Variants in ZFPM2 observed in about 807,000 individuals in gnomAD.
ZFPM2 encodes the protein zinc finger protein, FOG family member 2, also known as zinc finger protein ZFPM2.
ZFPM2 carries 20 observed loss-of-function variants against 98.6 expected under a neutral mutation model. That is an observed-to-expected ratio of 0.20 (90% CI 0.14 to 0.29). ZFPM2 has a LOEUF of 0.29. Among genes scored for constraint, ZFPM2 ranks in the 10% least tolerant of loss-of-function variants. The pLI is 1.00. For missense variants in ZFPM2, 1,310 were observed against 1,388.6 expected, an observed-to-expected ratio of 0.94 and a Z score of 0.90; for synonymous variants, 518 against 502.7, an observed-to-expected ratio of 1.03 and a Z score of -0.41.
intron 3 of ZFPM2, among the ~76,000 whole-genome samples, chr8:105,452,624 C>A (rs1054949826): frequency 1.3e-5 from 2 of 151,874 alleles, no homozygotes; most frequent in Non-Finnish European, 2.9e-5. Flanking sequence ...TGGTGACTGG[C>A]ACCTGTGGTC....
intron 2 of ZFPM2, among the ~76,000 whole-genome samples, chr8:105,439,252 G>T (rs780184250): frequency 1.5e-4 from 23 of 152,188 alleles, no homozygotes; most frequent in Non-Finnish European, 3.2e-4. Context: ...TGGGCACCTG[G>T]CTATATAATT....
At chr8:105,393,334 T>TGTC (rs374340648) in intron 1 of ZFPM2, among the ~76,000 whole-genome samples, 2,728 of 124,244 alleles carry the variant, frequency 0.022, 91 homozygotes, top group African/African-American at 0.075. Context: ...CTCTCTCTCT[T>TGTC]TGCCTTTCTT....
At position 105,527,224 on chromosome 8, in the gene ZFPM2, G is replaced by A. The variant is rs573091221; in HGVS notation, c.302-34139G>A. Among the ~76,000 whole-genome samples the A allele has an allele frequency of 3.3e-5, 5 of 152,246 alleles. No individual in the cohort carries two copies. The South Asian group carries it at 1.0e-3, about 32-fold the overall frequency. ...GAGCAGCCACACCATCGTTTTGAAA[G>A]TATATTCTCCACGTTCAATCTGTGA... is the stretch of plus-strand genomic sequence containing the variant. On this transcript the variant is annotated intron_variant, in intron 3 of 7. Transcript: ENST00000407775.
intron 2 of ZFPM2, among the ~76,000 whole-genome samples, chr8:105,430,067 C>G (rs1366142147): frequency 6.6e-6 from 1 of 152,160 alleles, no homozygotes; most frequent in Non-Finnish European, 1.5e-5. Context: ...GCTCGTTTGA[C>G]AGGGGTTTCT....
intron 3 of ZFPM2, among the ~76,000 whole-genome samples, chr8:105,539,283 T>A (rs1200396134): frequency 6.6e-6 from 1 of 152,198 alleles, no homozygotes; most frequent in East Asian, 1.9e-4. Context: ...TAAATGGTAA[T>A]ACATATGTTT....
At chr8:105,634,387 T>G (rs1410680693) in intron 5 of ZFPM2, 30 bp downstream of exon 5, 1 of 1,559,946 alleles carries the variant, frequency 6.4e-7, no homozygotes, top group Non-Finnish European at 8.8e-7. Flanking sequence ...CCTCTCTCTT[T>G]GGAAGTATTA....
rs1811962816 is a variant in ZFPM2, at chr8:105,318,904, GCACCGCGGGAGCCCC to G, written c.-37_-23del. On this transcript the variant is annotated 5_prime_UTR_variant, in exon 1 of 8. Transcript: ENST00000407775. ...GAGGGAGCGGCAGCCGCGACCGCGG[GCACCGCGGGAGCCCC>G]AGCGGCAGCAGCCGCCGCCGAGATG... 1 of 1,316,824 alleles carries G rather than the reference GCACCGCGGGAGCCCC, an allele frequency of 7.6e-7. No homozygotes were observed. 81.6% of individuals were successfully genotyped at this position (1,316,824 alleles called of 1,614,324 possible).
intron 5 of ZFPM2, among the ~76,000 whole-genome samples, chr8:105,671,022 C>T (rs1817584340): frequency 6.6e-6 from 1 of 151,922 alleles, no homozygotes; most frequent in South Asian, 2.1e-4. Context: ...GTTAGTTTAC[C>T]ATTACTGTAA....
chr8:105,362,003 C>T, intron 1 of ZFPM2, among the ~76,000 whole-genome samples: 1 of 152,032 alleles, frequency 6.6e-6, no homozygotes, highest in East Asian at 1.9e-4. Flanking sequence ...AATGAAATCA[C>T]CTAACAGTGT....
At chr8:105,795,608 TAA>T (rs200499086) in intron 6 of ZFPM2, 23,848 of 170,020 alleles carry the variant, frequency 0.14, 2,697 homozygotes, top group African/African-American at 0.34. Flanking sequence ...GCAAAAAGGT[TAA>T]AAAAAAAAAA....
At chr8:105,380,643 TATTA>T (rs1810835758) in intron 1 of ZFPM2, among the ~76,000 whole-genome samples, 1 of 27,848 alleles carries the variant, frequency 3.6e-5, no homozygotes, top group Non-Finnish European at 5.8e-5. Flanking sequence ...ATTATATATA[TATTA>T]TATATATATA....
At chr8:105,598,421 C>T (rs1686358813) in intron 4 of ZFPM2, among the ~76,000 whole-genome samples, 1 of 152,122 alleles carries the variant, frequency 6.6e-6, no homozygotes, top group African/African-American at 2.4e-5. Context: ...GCATTTTAAA[C>T]TTAGAATATA....
intron 3 of ZFPM2, among the ~76,000 whole-genome samples, chr8:105,555,055 G>T (rs539054553): frequency 6.6e-6 from 1 of 150,824 alleles, no homozygotes; most frequent in African/African-American, 2.4e-5. Context: ...GCTGTGGGAT[G>T]TTTGGTAGTG....
At chr8:105,545,682 A>G (rs1814679987) in intron 3 of ZFPM2, among the ~76,000 whole-genome samples, 1 of 152,180 alleles carries the variant, frequency 6.6e-6, no homozygotes, top group Admixed American at 6.5e-5. Flanking sequence ...AGAACTCAAT[A>G]TAATGTCTGC....
At chr8:105,668,966 C>G (rs1278200547) in intron 5 of ZFPM2, among the ~76,000 whole-genome samples, 1 of 151,868 alleles carries the variant, frequency 6.6e-6, no homozygotes, top group Non-Finnish European at 1.5e-5. Context: ...ATAACTGATC[C>G]CCTTACAGTG....
chr8:105,763,084 C>A (rs1416476969), intron 5 of ZFPM2, among the ~76,000 whole-genome samples: 3 of 145,598 alleles, frequency 2.1e-5, no homozygotes, highest in African/African-American at 7.6e-5. Context: ...TTAGTTTCCC[C>A]TAATCTATCC....
At chr8:105,526,860 C>T (rs781358535) in intron 3 of ZFPM2, among the ~76,000 whole-genome samples, 31 of 152,100 alleles carry the variant, frequency 2.0e-4, no homozygotes, top group Non-Finnish European at 4.1e-4. Flanking sequence ...TGTTTTCTCT[C>T]CCTTTTTCTC....
At chr8:105,708,914 G>C (rs961815538) in intron 5 of ZFPM2, among the ~76,000 whole-genome samples, 11 of 152,098 alleles carry the variant, frequency 7.2e-5, no homozygotes, top group African/African-American at 2.7e-4. Context: ...ATCATCCAAG[G>C]TTTCTTATTT....
chr8:105,465,600 C>A (rs1812783120), intron 3 of ZFPM2, among the ~76,000 whole-genome samples: 1 of 151,766 alleles, frequency 6.6e-6, no homozygotes, highest in Admixed American at 6.6e-5. Flanking sequence ...TATAGTTGAG[C>A]TACATAGTAA....
Sources: allele counts gnomAD v4.1 joint callset (sites outside exome capture counted in the v4.1 genomes callset), GRCh38; gene constraint gnomAD v4.1.1; transcripts MANE v1.5; gene names NCBI Gene and HGNC (gene_info 2026-07-23, HGNC 2026-07-21).